Variants in DOCK2 observed in about 807,000 individuals in gnomAD.
DOCK2 encodes the protein dedicator of cytokinesis 2.
In DOCK2, 87 loss-of-function variants were observed where a neutral mutation model predicts 248.9. That is an observed-to-expected ratio of 0.35 (90% CI 0.29 to 0.42). The LOEUF (loss-of-function observed/expected upper bound fraction) is 0.42. Ranked by LOEUF, DOCK2 falls within the 10% of genes least tolerant of loss-of-function variation. The pLI, the probability that DOCK2 is intolerant of heterozygous loss-of-function variation, is 1.00. For missense variants in DOCK2, 1,747 were observed against 2,300.2 expected, an observed-to-expected ratio of 0.76 and a Z score of 4.92; for synonymous variants, 805 against 821.6, an observed-to-expected ratio of 0.98 and a Z score of 0.35.
intron 39 of DOCK2, among the ~76,000 whole-genome samples, chr5:170,046,631 C>T (rs1268004422): frequency 6.6e-6 from 1 of 152,176 alleles, no homozygotes; most frequent in Admixed American, 6.5e-5. Context: ...AACAGCTGAG[C>T]TGTTAACTGT....
rs576466864 is a variant in DOCK2 at position 170,003,943 on chromosome 5, T to C, written c.3073-4554T>C. ...CATGGCCAAAACTGGGCAGGGGCTA[T>C]GGGTGAGGTACTTGGATGTGCCATT... On this transcript the variant is annotated intron_variant, in intron 30 of 51. Coordinates refer to ENST00000520908, the MANE Select transcript of DOCK2 (RefSeq NM_004946.3). 2.0e-5 allele frequency among the ~76,000 whole-genome samples: 3 copies of C among 152,298 alleles called. No homozygotes were observed. The East Asian group carries it at 5.8e-4, about 29-fold the overall frequency.
chr5:169,716,142 G>A, intron 19 of DOCK2, 71 bp from the exon 20 acceptor site: 1 of 1,292,518 alleles, frequency 7.7e-7, no homozygotes, highest in Non-Finnish European at 1.1e-6. Flanking sequence ...AGATAGTTAG[G>A]AGTGGGATTG....
chr5:169,687,717 G>A (rs180702900), intron 8 of DOCK2, among the ~76,000 whole-genome samples: 1 of 152,194 alleles, frequency 6.6e-6, no homozygotes, highest in Non-Finnish European at 1.5e-5. Flanking sequence ...CTGGAGTGAT[G>A]GGACTGACCA....
In DOCK2 at chr5:169,716,066, G is replaced by A. The variant is rs145303414; in HGVS notation, c.1942-147G>A. On this transcript the variant is annotated intron_variant, in intron 19 of 51. Transcript: ENST00000520908. ...TGGGTTCCTCCAACTTCTGGCTCTC[G>A]TGAGTAAAACTACTCTAGACGTTTT... The A allele has an allele frequency of 8.2e-3, 5,433 of 659,314 alleles. 28 individuals carry two copies. The highest frequency in any genetic ancestry group is 0.012 in the Non-Finnish European group (4,627 of 397,550). 40.8% of individuals were successfully genotyped at this position (659,314 alleles called of 1,614,324 possible).
At chr5:169,977,250 G>A (rs1195294388) in intron 27 of DOCK2, among the ~76,000 whole-genome samples, 1 of 152,202 alleles carries the variant, frequency 6.6e-6, no homozygotes, top group Non-Finnish European at 1.5e-5. Context: ...CCAAAAGCAT[G>A]TTCAGCGGCA....
At chr5:169,830,736 C>T (rs1183429196) in intron 26 of DOCK2, among the ~76,000 whole-genome samples, 1 of 152,218 alleles carries the variant, frequency 6.6e-6, no homozygotes, top group Non-Finnish European at 1.5e-5. Flanking sequence ...GCTTATTTAG[C>T]TGGTTTCATA....
chr5:169,917,610 C>T (rs1774946862), intron 27 of DOCK2, among the ~76,000 whole-genome samples: 1 of 152,152 alleles, frequency 6.6e-6, no homozygotes, highest in African/African-American at 2.4e-5. Flanking sequence ...CGATTGCTTG[C>T]TGTTTTTTGG....
intron 12 of DOCK2, 57 bp downstream of exon 12, chr5:169,699,515 C>T: frequency 6.5e-7 from 1 of 1,529,514 alleles, no homozygotes; most frequent in Non-Finnish European, 8.9e-7. Flanking sequence ...GCCCCTAACT[C>T]TTCAGCAAAT....
chr5:169,818,107 G>A (rs1215235743), intron 26 of DOCK2, among the ~76,000 whole-genome samples: 1 of 152,180 alleles, frequency 6.6e-6, no homozygotes, highest in Non-Finnish European at 1.5e-5. Flanking sequence ...CACACCCCAA[G>A]GCCAGCCTAC....
At chr5:169,929,708 C>T (rs1325169310) in intron 27 of DOCK2, among the ~76,000 whole-genome samples, 6 of 145,704 alleles carry the variant, frequency 4.1e-5, no homozygotes, top group Admixed American at 2.1e-4. Flanking sequence ...GATCACTGCA[C>T]TCCAGCCTGG....
At chr5:170,072,971 T>G (rs1008828046) in intron 46 of DOCK2, among the ~76,000 whole-genome samples, 2 of 152,220 alleles carry the variant, frequency 1.3e-5, no homozygotes, top group African/African-American at 4.8e-5. Context: ...GTCTGTTTGC[T>G]TTCTTAATGA....
intron 38 of DOCK2, among the ~76,000 whole-genome samples, chr5:170,042,560 G>A (rs1241702303): frequency 2.6e-5 from 4 of 152,282 alleles, no homozygotes; most frequent in Middle Eastern, 3.4e-3. Flanking sequence ...CATCCCTGCT[G>A]GGGTCCCTCT....
chr5:169,643,412 G>A (rs1405434953), intron 1 of DOCK2, among the ~76,000 whole-genome samples: 1 of 151,804 alleles, frequency 6.6e-6, no homozygotes, highest in Non-Finnish European at 1.5e-5. Flanking sequence ...CTGATGGGGA[G>A]GTGGGGCGGG....
intron 32 of DOCK2, among the ~76,000 whole-genome samples, chr5:170,010,075 G>T (rs989777032): frequency 2.0e-5 from 3 of 152,154 alleles, no homozygotes; most frequent in Non-Finnish European, 2.9e-5. Context: ...GCTGGGGCAC[G>T]TGGAGCCATG....
At chr5:169,657,773 T>TA (rs568729137) in intron 2 of DOCK2, among the ~76,000 whole-genome samples, 117 of 152,364 alleles carry the variant, frequency 7.7e-4, no homozygotes, top group African/African-American at 2.7e-3. Flanking sequence ...TTTTCTTTCC[T>TA]ATTCTTTGTC....
chr5:169,868,923 G>A (rs1298327100), intron 27 of DOCK2, among the ~76,000 whole-genome samples: 1 of 152,156 alleles, frequency 6.6e-6, no homozygotes, highest in Non-Finnish European at 1.5e-5. Flanking sequence ...AGAGCTGAAT[G>A]CTCTTGGGTT....
chr5:169,857,480 C>G (rs1323515382), intron 27 of DOCK2, among the ~76,000 whole-genome samples: 1 of 152,186 alleles, frequency 6.6e-6, no homozygotes, highest in African/African-American at 2.4e-5. Context: ...TACCCGGCCC[C>G]TCTCTCACTT....
chr5:169,930,929 C>T (rs1293960376), intron 27 of DOCK2, among the ~76,000 whole-genome samples: 1 of 152,182 alleles, frequency 6.6e-6, no homozygotes, highest in Non-Finnish European at 1.5e-5. Context: ...GAAAAGCATC[C>T]TCATCACATG....
intron 27 of DOCK2, among the ~76,000 whole-genome samples, chr5:169,941,796 C>G (rs1353872576): frequency 6.6e-6 from 1 of 152,200 alleles, no homozygotes; most frequent in Non-Finnish European, 1.5e-5. Flanking sequence ...TCTTGCATTG[C>G]AGGGATGGGA....
Sources: gnomAD v4.1 joint callset for allele counts (sites outside exome capture counted in the v4.1 genomes callset) on GRCh38, gnomAD v4.1.1 for gene constraint, MANE v1.5 for transcripts, NCBI Gene and HGNC (gene_info 2026-07-23, HGNC 2026-07-21) for gene names.